Variants in ZBBX observed in about 807,000 individuals in gnomAD.
ZBBX encodes the protein zinc finger B-box domain-containing protein 1.
ZBBX carries 101 observed loss-of-function variants against 108.5 expected under a neutral mutation model. The observed-to-expected ratio is 0.93, with a 90% CI of 0.79 to 1.10. The LOEUF (loss-of-function observed/expected upper bound fraction) is 1.10. ZBBX is among the 50% of genes least tolerant of loss of function. ZBBX has a pLI of 0.00. For missense variants in ZBBX, 1,009 were observed against 941.4 expected (o/e 1.07, Z -0.94); for synonymous variants, 356 against 323.4 (o/e 1.10, Z -1.08).
intron 1 of ZBBX, among the ~76,000 whole-genome samples, chr3:167,386,607 T>G (rs866999593): frequency 7.2e-5 from 11 of 152,222 alleles, no homozygotes; most frequent in Non-Finnish European, 1.3e-4. Flanking sequence ...CACTTAAGTT[T>G]CTTAGTTTAT....
At chr3:167,217,070 T>A in the ZBBX span, among the ~76,000 whole-genome samples, 2 of 152,136 alleles carry the variant, frequency 1.3e-5, no homozygotes, top group African/African-American at 4.8e-5. Context: ...GGGCAAAGGT[T>A]TCATGACGAA....
chr3:167,202,810 A>C, the ZBBX span, among the ~76,000 whole-genome samples: 7 of 152,122 alleles, frequency 4.6e-5, no homozygotes, highest in African/African-American at 1.7e-4. Context: ...CAGCATAATC[A>C]CACCCCCAGA....
chr3:167,270,750 G>A (rs1361372189), intron 20 of ZBBX, among the ~76,000 whole-genome samples: 1 of 152,166 alleles, frequency 6.6e-6, no homozygotes, highest in Non-Finnish European at 1.5e-5. Context: ...AAATCAAAAA[G>A]CTGGGAGGTG....
chr3:167,310,304 TTTC>T (rs1734360727), intron 16 of ZBBX, among the ~76,000 whole-genome samples: 1 of 152,188 alleles, frequency 6.6e-6, no homozygotes, highest in Non-Finnish European at 1.5e-5. Context: ...CACATCTTCT[TTTC>T]TTCTTCTGAG....
At chr3:167,297,895 A>G (rs917777325) in intron 18 of ZBBX, among the ~76,000 whole-genome samples, 1 of 152,026 alleles carries the variant, frequency 6.6e-6, no homozygotes, top group African/African-American at 2.4e-5. Context: ...AAAATAAAAG[A>G]ACAAGTATTG....
intron 16 of ZBBX, among the ~76,000 whole-genome samples, chr3:167,308,455 T>C (rs1008625105): frequency 6.6e-6 from 1 of 152,170 alleles, no homozygotes; most frequent in African/African-American, 2.4e-5. Flanking sequence ...ATCTCATTAC[T>C]GGGTATATAC....
intron 8 of ZBBX, among the ~76,000 whole-genome samples, chr3:167,354,159 TG>T (rs1743144176): frequency 1.3e-5 from 2 of 151,948 alleles, no homozygotes; most frequent in African/African-American, 4.8e-5. Context: ...GAATATCTTG[TG>T]TTTTTTTTAA....
chr3:167,272,451 G>T (rs1466982107), intron 20 of ZBBX, among the ~76,000 whole-genome samples: 2 of 152,104 alleles, frequency 1.3e-5, no homozygotes. Flanking sequence ...CCTATCTAGT[G>T]CTCCTGACCA....
At chr3:167,327,913 C>CA (rs10645171) in intron 11 of ZBBX, 29 bp downstream of exon 11, 197,913 of 1,136,418 alleles carry the variant, frequency 0.17, 262 homozygotes, top group Non-Finnish European at 0.18. Flanking sequence ...GACTCTGTCT[C>CA]AAAAAAAAAA....
chr3:167,263,671 G>A (rs1443393689), intron 20 of ZBBX, among the ~76,000 whole-genome samples: 2 of 152,174 alleles, frequency 1.3e-5, no homozygotes, highest in African/African-American at 4.8e-5. Context: ...CATGTGCAGA[G>A]GAGAAGAATA....
In ZBBX at chr3:167,379,681, C is replaced by T. The variant is rs1159626617; in HGVS notation, c.-175G>A. 6.6e-6 allele frequency: 1 copy of T among 152,116 alleles called. No individual in the cohort carries two copies. The highest frequency in any genetic ancestry group is 1.5e-5 in the Non-Finnish European group (1 of 68,028). The allele number at this position is 152,116 out of a possible 1,614,324, so 9.4% of individuals were successfully genotyped here. ...GATTTTGGGAAGAAAAAATAAACTT[C>T]CACATCTTCAGATTTCTCAGGAATC... On this transcript the variant is annotated 5_prime_UTR_variant, in exon 2 of 22. The change creates a premature stop within an existing upstream ORF in the 5' untranslated region. Coordinates refer to ENST00000675490, the MANE Select transcript of ZBBX (RefSeq NM_001199201.2).
intron 6 of ZBBX, among the ~76,000 whole-genome samples, chr3:167,362,544 T>C (rs1051994079): frequency 6.6e-6 from 1 of 152,122 alleles, no homozygotes; most frequent in Non-Finnish European, 1.5e-5. Context: ...TCTGTACTAA[T>C]TGTCCTTCCT....
chr3:167,248,736 C>A (rs1722038659), intron 20 of ZBBX: 5 of 440,478 alleles, frequency 1.1e-5, no homozygotes, highest in South Asian at 3.2e-5. Flanking sequence ...CCAACTAAAC[C>A]CCCCACCTCA....
At chr3:167,299,532 A>G (rs1411735009) in intron 17 of ZBBX, among the ~76,000 whole-genome samples, 1 of 152,052 alleles carries the variant, frequency 6.6e-6, no homozygotes, top group Non-Finnish European at 1.5e-5. Flanking sequence ...TAAAATAGTT[A>G]TGTTTTGTCT....
intron 16 of ZBBX, among the ~76,000 whole-genome samples, chr3:167,312,583 T>C: frequency 6.6e-6 from 1 of 152,182 alleles, no homozygotes. Flanking sequence ...AGTTTTGCTG[T>C]GAACCTAAAA....
At chr3:167,393,647 A>T (rs1378635411) in intron 1 of ZBBX, among the ~76,000 whole-genome samples, 1 of 151,928 alleles carries the variant, frequency 6.6e-6, no homozygotes, top group Non-Finnish European at 1.5e-5. Context: ...TGAAAATAAA[A>T]GTTAATGTAG....
chr3:167,329,508 A>AT (rs1159189183), intron 10 of ZBBX, among the ~76,000 whole-genome samples: 1 of 152,218 alleles, frequency 6.6e-6, no homozygotes, highest in African/African-American at 2.4e-5. Context: ...ACACAGGTTA[A>AT]TAAGTCCACA....
At chr3:167,298,236 TG>T (rs1732006646) in intron 18 of ZBBX, 68 bp downstream of exon 18, 4 of 1,229,514 alleles carry the variant, frequency 3.3e-6, no homozygotes, top group Non-Finnish European at 4.4e-6. Context: ...TTTTATCCAT[TG>T]AACAGAATTG....
At chr3:167,319,960 A>G (rs551861028) in intron 12 of ZBBX, among the ~76,000 whole-genome samples, 1 of 151,914 alleles carries the variant, frequency 6.6e-6, no homozygotes, top group African/African-American at 2.4e-5. Context: ...AGATATCCAG[A>G]TGGATAGATA....
Sources: allele counts gnomAD v4.1 joint callset (sites outside exome capture counted in the v4.1 genomes callset), GRCh38; gene constraint gnomAD v4.1.1; transcripts MANE v1.5; gene names NCBI Gene and HGNC (gene_info 2026-07-23, HGNC 2026-07-21).